Variants in CLDN16 observed in about 807,000 individuals in gnomAD.
CLDN16 encodes the protein claudin 16.
In CLDN16, 13 loss-of-function variants were observed where a neutral mutation model predicts 24.6. That is an observed-to-expected ratio of 0.53 (90% CI 0.34 to 0.84). The LOEUF (loss-of-function observed/expected upper bound fraction) is 0.84. Ranked by LOEUF, CLDN16 falls within the 40% of genes least tolerant of loss-of-function variation. The pLI, the probability that CLDN16 is intolerant of heterozygous loss-of-function variation, is 0.01. For missense variants in CLDN16, 298 were observed against 292.7 expected (o/e 1.02, Z -0.13); for synonymous variants, 116 against 106.7 (o/e 1.09, Z -0.54).
At chr3:190,379,634 CT>C (rs1270959224) in intron 3 of CLDN16, among the ~76,000 whole-genome samples, 1 of 152,072 alleles carries the variant, frequency 6.6e-6, no homozygotes, top group Non-Finnish European at 1.5e-5. Flanking sequence ...ATTCACTGTA[CT>C]TGGTATTGCT....
upstream of CLDN16, chr3:190,387,853 A>G (rs560801479): frequency 7.8e-6 from 4 of 512,508 alleles, no homozygotes; most frequent in Admixed American, 6.4e-5. Context: ...ATAAAATAAC[A>G]CTCAGTCAAC....
chr3:190,355,946 T>C (rs2108638278), intron 1 of CLDN16, among the ~76,000 whole-genome samples: 1 of 151,804 alleles, frequency 6.6e-6, no homozygotes, highest in Admixed American at 6.6e-5. Context: ...AATTGGTCAA[T>C]TTTTACTTTT....
chr3:190,360,043 G>A (rs1167804948), intron 1 of CLDN16, among the ~76,000 whole-genome samples: 1 of 151,960 alleles, frequency 6.6e-6, no homozygotes, highest in Non-Finnish European at 1.5e-5. Context: ...CTGAGACTGA[G>A]GCTTGGCTGA....
At chr3:190,373,591 A>G (rs1718186100) in intron 2 of CLDN16, among the ~76,000 whole-genome samples, 1 of 151,930 alleles carries the variant, frequency 6.6e-6, no homozygotes, top group Non-Finnish European at 1.5e-5. Flanking sequence ...GTTATAATGC[A>G]TTGCATTTAA....
At chr3:190,388,737 G>T (rs1718573718) in intron 1 of CLDN16, among the ~76,000 whole-genome samples, 1 of 152,146 alleles carries the variant, frequency 6.6e-6, no homozygotes, top group African/African-American at 2.4e-5. Context: ...GAGACCTCCA[G>T]AAATTCACGT....
At chr3:190,340,539 G>T (rs112586689) in intron 1 of CLDN16, among the ~76,000 whole-genome samples, 3 of 152,048 alleles carry the variant, frequency 2.0e-5, no homozygotes, top group Non-Finnish European at 4.4e-5. Context: ...TCAATTACCT[G>T]CTACCAGGTC....
At position 190,404,809 on chromosome 3, in the gene CLDN16, G is replaced by A. The variant is rs527990106; in HGVS notation, c.265G>A (p.Ala89Thr). 1 of 1,614,096 alleles carries A rather than the reference G, an allele frequency of 6.2e-7. No individual in the cohort carries two copies. Among genetic ancestry groups the A allele is most frequent in the South Asian group, 1.1e-5 (1 of 91,084 alleles). The change falls in exon 3 of 5, where the codon GCT becomes ACT. Residue 89 changes from alanine to threonine, a missense_variant. Ala to Thr is a moderately conservative substitution (Grantham distance 58, BLOSUM62 0). Coordinates refer to ENST00000264734, the MANE Select transcript of CLDN16 (RefSeq NM_006580.4). ...GTTGATGATTACTGCAGATATTCTA[G>A]CTGGGTTTGGATTTCTCACCCTGCT... ...RALMITADIL[A>T]GFGFLTLLLG... is the part of the protein sequence containing the mutation.
intron 3 of CLDN16, among the ~76,000 whole-genome samples, chr3:190,375,868 C>T (rs1294917555): frequency 8.5e-6 from 1 of 117,402 alleles, no homozygotes; most frequent in African/African-American, 3.5e-5. Flanking sequence ...GTTAAACATT[C>T]ACACCCCTCC....
chr3:190,335,104 C>G (rs148325990), intron 1 of CLDN16, among the ~76,000 whole-genome samples: 2,174 of 147,522 alleles, frequency 0.015, 24 homozygotes, highest in Middle Eastern at 0.033. Context: ...AGTGCAGTGG[C>G]ACGATCTTAA....
chr3:190,409,534 A>T (rs1376251773), intron 4 of CLDN16, among the ~76,000 whole-genome samples: 3 of 151,940 alleles, frequency 2.0e-5, no homozygotes, highest in African/African-American at 7.2e-5. Flanking sequence ...ATCTTCACCC[A>T]CTCAACTAAA....
intron 1 of CLDN16, among the ~76,000 whole-genome samples, chr3:190,398,934 C>T (rs1371372260): frequency 2.0e-5 from 3 of 152,054 alleles, no homozygotes; most frequent in Non-Finnish European, 4.4e-5. Flanking sequence ...TAAATTTAGA[C>T]GTCCACATTA....
chr3:190,388,679 T>C (rs1483796481), intron 1 of CLDN16, among the ~76,000 whole-genome samples: 1 of 152,208 alleles, frequency 6.6e-6, no homozygotes, highest in Non-Finnish European at 1.5e-5. Context: ...TCCTCCTTTT[T>C]TCACAAGGAT....
chr3:190,313,745 T>C, the CLDN16 span, among the ~76,000 whole-genome samples: 1 of 152,182 alleles, frequency 6.6e-6, no homozygotes, highest in African/African-American at 2.4e-5. Flanking sequence ...TGTTGTAAAA[T>C]AGCACACACA....
At chr3:190,304,767 A>G in the CLDN16 span, among the ~76,000 whole-genome samples, 1 of 152,192 alleles carries the variant, frequency 6.6e-6, no homozygotes, top group African/African-American at 2.4e-5. Flanking sequence ...AAATATACAC[A>G]ACCAGATCAT....
At chr3:190,322,087 G>C (rs775463471), upstream of CLDN16, 3 of 1,614,236 alleles carry the variant, frequency 1.9e-6, no homozygotes, top group Admixed American at 5.0e-5. Flanking sequence ...GGGCGGTCAC[G>C]ATGTTGTCGC....
At chr3:190,399,055 C>T (rs1007624132) in intron 1 of CLDN16, among the ~76,000 whole-genome samples, 1 of 152,044 alleles carries the variant, frequency 6.6e-6, no homozygotes, top group Non-Finnish European at 1.5e-5. Flanking sequence ...GAATTGTTTC[C>T]AACTTAAACC....
the CLDN16 span, among the ~76,000 whole-genome samples, chr3:190,312,495 T>C: frequency 2.0e-5 from 3 of 152,208 alleles, no homozygotes; most frequent in Non-Finnish European, 2.9e-5. Flanking sequence ...AGGGTTCACA[T>C]ATTCTTGTGT....
At chr3:190,393,682 A>T (rs537227313) in intron 1 of CLDN16, among the ~76,000 whole-genome samples, 1 of 148,890 alleles carries the variant, frequency 6.7e-6, no homozygotes, top group African/African-American at 2.5e-5. Context: ...TTTAAATTCT[A>T]TTCCTATTTT....
intron 1 of CLDN16, among the ~76,000 whole-genome samples, chr3:190,400,153 A>G (rs1176791555): frequency 2.0e-5 from 3 of 152,034 alleles, no homozygotes; most frequent in African/African-American, 4.8e-5. Context: ...GCAATTTTGT[A>G]TCTCTTAACA....
Sources: allele counts gnomAD v4.1 joint callset (sites outside exome capture counted in the v4.1 genomes callset), GRCh38; gene constraint gnomAD v4.1.1; transcripts MANE v1.5; gene names NCBI Gene and HGNC (gene_info 2026-07-23, HGNC 2026-07-21).